HYCC1: variants seen among roughly 807,000 people sequenced by gnomAD.
HYCC1 encodes hyccin PI4KA lipid kinase complex subunit 1.
the HYCC1 span, among the ~76,000 whole-genome samples, chr7:22,972,409 A>G: frequency 1.3e-5 from 2 of 152,166 alleles, no homozygotes; most frequent in African/African-American, 4.8e-5. Flanking sequence ...TTCGTCAGTT[A>G]GATGACTCAC....
chr7:22,916,248 G>A, the HYCC1 span, among the ~76,000 whole-genome samples: 5 of 152,150 alleles, frequency 3.3e-5, no homozygotes, highest in South Asian at 2.1e-4. Context: ...CAGGATCTGC[G>A]CCTTATCAAC....
At chr7:22,937,851 G>A in the HYCC1 span, 1 of 152,186 alleles carries the variant, frequency 6.6e-6, no homozygotes, top group Non-Finnish European at 1.5e-5. Flanking sequence ...AGGTCAAGAA[G>A]CTACAGAAAT....
the HYCC1 span, among the ~76,000 whole-genome samples, chr7:22,930,279 A>ATTAAC: frequency 3.3e-5 from 5 of 151,218 alleles, no homozygotes; most frequent in Non-Finnish European, 7.4e-5. Flanking sequence ...CCAACATGGC[A>ATTAAC]CATGTATACA....
chr7:23,005,055 T>C, the HYCC1 span, among the ~76,000 whole-genome samples: 1 of 152,206 alleles, frequency 6.6e-6, no homozygotes, highest in South Asian at 2.1e-4. Flanking sequence ...TCCGCCCGCC[T>C]TGGCCTCCCA....
At chr7:22,949,802 T>C in the HYCC1 span, among the ~76,000 whole-genome samples, 1 of 152,004 alleles carries the variant, frequency 6.6e-6, no homozygotes, top group East Asian at 1.9e-4. Flanking sequence ...AAAAAAATCA[T>C]GGAATTAAAT....
At chr7:22,985,742 G>T in the HYCC1 span, 16 of 151,124 alleles carry the variant, frequency 1.1e-4, no homozygotes, top group Admixed American at 8.6e-4. Flanking sequence ...AATACTGGGG[G>T]AATTTATATA....
chr7:22,928,343 A>G, the HYCC1 span, among the ~76,000 whole-genome samples: 2 of 152,254 alleles, frequency 1.3e-5, no homozygotes, highest in African/African-American at 4.8e-5. Flanking sequence ...CAGGGCAATT[A>G]GGCAGGAGAA....
At chr7:23,012,364 C>G in the HYCC1 span, among the ~76,000 whole-genome samples, 1 of 152,168 alleles carries the variant, frequency 6.6e-6, no homozygotes, top group Non-Finnish European at 1.5e-5. Context: ...TAAACGCTGA[C>G]CCAGCTAATG....
the HYCC1 span, among the ~76,000 whole-genome samples, chr7:22,925,346 A>C: frequency 2.6e-5 from 4 of 152,214 alleles, no homozygotes; most frequent in African/African-American, 9.6e-5. Context: ...AACTTTGATG[A>C]GTTGAGAGAG....
At chr7:22,929,230 C>G in the HYCC1 span, among the ~76,000 whole-genome samples, 1 of 152,116 alleles carries the variant, frequency 6.6e-6, no homozygotes, top group African/African-American at 2.4e-5. Flanking sequence ...CCTAAAACCA[C>G]AAAAACCCTC....
the HYCC1 span, among the ~76,000 whole-genome samples, chr7:22,928,451 C>G: frequency 6.6e-6 from 1 of 152,126 alleles, no homozygotes; most frequent in Non-Finnish European, 1.5e-5. Context: ...AGTCTCAGCC[C>G]AAAATCTCCT....
the HYCC1 span, among the ~76,000 whole-genome samples, chr7:22,903,457 G>T: frequency 2.6e-5 from 4 of 152,072 alleles, no homozygotes; most frequent in Admixed American, 2.6e-4. Flanking sequence ...CAACAAATTT[G>T]ACAACTTACA....
the HYCC1 span, among the ~76,000 whole-genome samples, chr7:22,918,973 A>G: frequency 1.3e-5 from 2 of 152,210 alleles, no homozygotes; most frequent in Non-Finnish European, 2.9e-5. Flanking sequence ...AAGTCACAAA[A>G]ACACACTCAA....
At chr7:22,931,255 GAAAAAA>G in the HYCC1 span, among the ~76,000 whole-genome samples, 1 of 103,816 alleles carries the variant, frequency 9.6e-6, no homozygotes, top group Non-Finnish European at 2.0e-5. Flanking sequence ...CAAAAAAAAA[GAAAAAA>G]AAAAAAAAAA....
the HYCC1 span, among the ~76,000 whole-genome samples, chr7:22,950,318 T>C: frequency 6.6e-6 from 1 of 152,158 alleles, no homozygotes; most frequent in Admixed American, 6.6e-5. Flanking sequence ...TAACCTACAA[T>C]TATTTATTTA....
At chr7:22,898,598 TCTTTTC>T in the HYCC1 span, among the ~76,000 whole-genome samples, 20 of 101,926 alleles carry the variant, frequency 2.0e-4, no homozygotes, top group African/African-American at 6.9e-4. Context: ...TCTTTTCTTT[TCTTTTC>T]TTTTTTTTTT....
the HYCC1 span, among the ~76,000 whole-genome samples, chr7:22,969,262 C>T: frequency 6.6e-6 from 1 of 151,654 alleles, no homozygotes; most frequent in Non-Finnish European, 1.5e-5. Flanking sequence ...GCACCCTCCA[C>T]CTCTGGGGCT....
the HYCC1 span, among the ~76,000 whole-genome samples, chr7:22,897,476 G>A: frequency 6.6e-6 from 1 of 152,208 alleles, no homozygotes; most frequent in Non-Finnish European, 1.5e-5. Context: ...TGATGACTGT[G>A]GCAAGGGATG....
chr7:22,936,143 C>A, the HYCC1 span: 1 of 151,874 alleles, frequency 6.6e-6, no homozygotes, highest in Non-Finnish European at 1.5e-5. Flanking sequence ...TTATTGCACA[C>A]ACAAGCATGG....
Sources: allele counts gnomAD v4.1 joint callset (sites outside exome capture counted in the v4.1 genomes callset), GRCh38; gene constraint gnomAD v4.1.1; transcripts MANE v1.5; gene names NCBI Gene and HGNC (gene_info 2026-07-23, HGNC 2026-07-21).